ELOC: variants seen among roughly 807,000 people sequenced by gnomAD.
The protein encoded by ELOC is elongin C.
For synonymous variants in ELOC, 40 were observed against 51.3 expected, an observed-to-expected ratio of 0.78 and a Z score of 0.94; for missense variants, 38 against 139.0, an observed-to-expected ratio of 0.27 and a Z score of 3.65.
chr8:73,963,299 A>C (rs989710648), intron 1 of ELOC, among the ~76,000 whole-genome samples: 7 of 152,154 alleles, frequency 4.6e-5, no homozygotes, highest in Non-Finnish European at 8.8e-5. Context: ...TTGAAATATT[A>C]CCTTTATCAT....
intron 3 of ELOC, among the ~76,000 whole-genome samples, chr8:73,952,446 A>C (rs1813840366): frequency 6.7e-6 from 1 of 150,166 alleles, no homozygotes; most frequent in African/African-American, 2.4e-5. Flanking sequence ...AAAATAAATA[A>C]ATAAAAATAA....
chr8:73,961,413 T>C (rs1814585063), intron 1 of ELOC, among the ~76,000 whole-genome samples: 1 of 152,236 alleles, frequency 6.6e-6, no homozygotes, highest in Non-Finnish European at 1.5e-5. Flanking sequence ...GTAGAGAGGA[T>C]AAATAATTTG....
rs67188912 is a variant in ELOC at position 73,971,032 on chromosome 8, C to CAAAAAAAAA, written c.-51+1036_-51+1044dup. The stretch of plus-strand genomic sequence containing the variant: ...CTCAGGACAGAGCGAGACTCCGTCT[C>CAAAAAAAAA]AAAAAAAAAAAAAAAAAAAGAAAAA... On this transcript the variant is annotated intron_variant, in intron 1 of 3. Coordinates refer to ENST00000520242, the MANE Select transcript of ELOC (RefSeq NM_005648.4). Among the ~76,000 whole-genome samples, 90 of 62,014 alleles carry CAAAAAAAAA rather than the reference C, an allele frequency of 1.5e-3. 8 individuals carry two copies. The highest frequency in any genetic ancestry group is 2.0e-3 in the Non-Finnish European group (66 of 33,132). The allele number at this position is 62,014 out of a possible 152,430, so 40.7% of individuals were successfully genotyped here. A position where few individuals can be genotyped will look rare whatever the true frequency, so the allele number is the denominator to read the frequency against.
chr8:73,966,158 T>C (rs940250914), intron 1 of ELOC, among the ~76,000 whole-genome samples: 2 of 152,094 alleles, frequency 1.3e-5, no homozygotes, highest in African/African-American at 4.8e-5. Context: ...ACCTAGGCAC[T>C]GGGGACAGAG....
intron 3 of ELOC, among the ~76,000 whole-genome samples, chr8:73,953,184 TA>T (rs149523182): frequency 0.012 from 1,763 of 152,158 alleles, 36 homozygotes; most frequent in African/African-American, 0.041. Context: ...TGTGCACCTA[TA>T]ACCCCAGGTA....
intron 1 of ELOC, among the ~76,000 whole-genome samples, chr8:73,971,646 A>G (rs1434018861): frequency 6.6e-6 from 1 of 152,094 alleles, no homozygotes; most frequent in Non-Finnish European, 1.5e-5. Context: ...CAAGTTACCC[A>G]GAAGGTAAAC....
chr8:73,952,269 T>G (rs1449725642), intron 3 of ELOC, among the ~76,000 whole-genome samples: 2 of 151,742 alleles, frequency 1.3e-5, no homozygotes, highest in African/African-American at 2.4e-5. Context: ...CCAGGTGTGG[T>G]GGTGGGCACC....
chr8:73,958,119 AG>A (rs1814333326), intron 2 of ELOC, among the ~76,000 whole-genome samples: 1 of 145,328 alleles, frequency 6.9e-6, no homozygotes, highest in Admixed American at 7.0e-5. Context: ...TTTAAGAGAC[AG>A]GGCCTTGCTC....
chr8:73,947,017 C>T (rs983767276), intron 3 of ELOC, among the ~76,000 whole-genome samples, 197 bp from the exon 4 acceptor site: 2 of 152,060 alleles, frequency 1.3e-5, no homozygotes, highest in Non-Finnish European at 2.9e-5. Flanking sequence ...GAGACAGAGT[C>T]GCGCTCTGTC....
rs1367766599 is a variant in ELOC, at chr8:73,945,143, A to C, written c.*1487T>G. ...TTTTTTTTTTTTTTTTTTTTGAGAC[A>C]GTCTCGCTCTGTCACCCAGGCTGGA... On this transcript the variant is annotated 3_prime_UTR_variant, in exon 4 of 4. Transcript: ENST00000520242. The C allele has an allele frequency of 1.6e-5, 2 of 122,184 alleles. No homozygotes were observed. Among genetic ancestry groups the C allele is most frequent in the Admixed American group, 2.0e-4 (2 of 10,210 alleles). The allele number at this position is 122,184 out of a possible 1,614,324, so 7.6% of individuals were successfully genotyped here.
chr8:73,966,282 G>GA (rs1814964217), intron 1 of ELOC, among the ~76,000 whole-genome samples: 1 of 152,142 alleles, frequency 6.6e-6, no homozygotes, highest in African/African-American at 2.4e-5. Flanking sequence ...TCTGAAGAAA[G>GA]CAAGGGAATG....
chr8:73,971,506 G>A (rs1815400625), intron 1 of ELOC, among the ~76,000 whole-genome samples: 1 of 152,108 alleles, frequency 6.6e-6, no homozygotes, highest in African/African-American at 2.4e-5. Context: ...TTACTTAACA[G>A]ATCTCAGTTC....
rs1204889550 is a variant in ELOC, at chr8:73,945,371, GTCCTCTGAAAGTGCT to G, written c.*1244_*1258del. ...TGGCCTCAAGTGATCTACCCGCCTCGTCCTCTGAAAGTGCTGGGATTACAGGCATGAGCCACCGGG... is the reference window on the plus strand; with the variant it reads ...TGGCCTCAAGTGATCTACCCGCCTCGGGGATTACAGGCATGAGCCACCGGG... On this transcript the variant is annotated 3_prime_UTR_variant, in exon 4 of 4. Coordinates refer to ENST00000520242, the MANE Select transcript of ELOC (RefSeq NM_005648.4). The G allele has an allele frequency of 6.6e-6, 1 of 151,838 alleles. No homozygotes were observed. The highest frequency in any genetic ancestry group is 1.5e-5 in the Non-Finnish European group (1 of 68,004). 9.4% of individuals were successfully genotyped at this position (151,838 alleles called of 1,614,324 possible). A position where few individuals can be genotyped will look rare whatever the true frequency, so the allele number is the denominator to read the frequency against.
chr8:73,966,241 C>T (rs971137625), intron 1 of ELOC, among the ~76,000 whole-genome samples: 13 of 152,082 alleles, frequency 8.5e-5, no homozygotes, highest in Admixed American at 6.6e-4. Context: ...ATAATACATA[C>T]GGCATGGTGA....
intron 1 of ELOC, among the ~76,000 whole-genome samples, chr8:73,964,856 G>T (rs377412173): frequency 6.6e-6 from 1 of 151,788 alleles, no homozygotes; most frequent in Non-Finnish European, 1.5e-5. Flanking sequence ...GTGAAACCCC[G>T]TTTCTATAAA....
At chr8:73,959,291 G>A (rs1285543807) in intron 2 of ELOC, among the ~76,000 whole-genome samples, 5 of 152,060 alleles carry the variant, frequency 3.3e-5, no homozygotes, top group Non-Finnish European at 7.4e-5. Flanking sequence ...TTTCTGCCTC[G>A]AACTCCTGGG....
chr8:73,966,238 A>G (rs1814959833), intron 1 of ELOC, among the ~76,000 whole-genome samples: 1 of 152,220 alleles, frequency 6.6e-6, no homozygotes, highest in African/African-American at 2.4e-5. Context: ...AAAATAATAC[A>G]TACGGCATGG....
intron 2 of ELOC, 23 bp downstream of exon 2, chr8:73,959,741 CA>C: frequency 6.5e-7 from 1 of 1,542,840 alleles, no homozygotes; most frequent in Non-Finnish European, 8.7e-7. Flanking sequence ...AGTTAAAACA[CA>C]AAATTAATTA....
At chr8:73,948,831 ACT>A (rs1813558655) in intron 3 of ELOC, among the ~76,000 whole-genome samples, 3 of 140,116 alleles carry the variant, frequency 2.1e-5, no homozygotes, top group Non-Finnish European at 3.0e-5. Flanking sequence ...AGACCCTGTC[ACT>A]CACAAGCAAG....
Sources: allele counts gnomAD v4.1 joint callset (sites outside exome capture counted in the v4.1 genomes callset), GRCh38; gene constraint gnomAD v4.1.1; transcripts MANE v1.5; gene names NCBI Gene and HGNC (gene_info 2026-07-23, HGNC 2026-07-21).